The following HAO2 variants were observed in gnomAD, a reference collection of about 807,000 sequenced individuals.
HAO2 encodes the protein hydroxyacid oxidase 2, also known as 2-Hydroxyacid oxidase 2.
A neutral mutation model predicts 37.4 loss-of-function variants in HAO2; 42 were observed. The observed-to-expected ratio is 1.12, with a 90% CI of 0.88 to 1.45. HAO2 has a LOEUF of 1.45. Ranked by LOEUF, HAO2 falls within the 40% of genes most tolerant of loss-of-function variation. The pLI, the probability that HAO2 is intolerant of heterozygous loss-of-function variation, is 0.00. For missense variants in HAO2, 476 were observed against 430.2 expected, an observed-to-expected ratio of 1.11 and a Z score of -0.94; for synonymous variants, 180 against 162.8, an observed-to-expected ratio of 1.11 and a Z score of -0.81.
intron 3 of HAO2, 34 bp from the exon 4 acceptor site, chr1:119,384,741 GC>G: frequency 6.2e-7 from 1 of 1,601,456 alleles, no homozygotes; most frequent in Non-Finnish European, 8.5e-7. Context: ...AGAGGCCTCT[GC>G]CCTCCAGCCT....
intron 1 of HAO2, chr1:119,380,420 A>G (rs1361129247): frequency 5.8e-5 from 24 of 416,144 alleles, no homozygotes; most frequent in Non-Finnish European, 8.9e-5. Context: ...GCCTCCTAAT[A>G]ATATTAAGCA....
At chr1:119,388,596 T>C (rs758875704) in intron 5 of HAO2, among the ~76,000 whole-genome samples, 3 of 152,200 alleles carry the variant, frequency 2.0e-5, no homozygotes, top group Non-Finnish European at 2.9e-5. Context: ...GTGAGTCTCG[T>C]GAGGGTTTTG....
chr1:119,384,761 T>C lies in HAO2; in HGVS notation c.284-15T>C, dbSNP rs1557851060. On this transcript the variant is annotated splice_polypyrimidine_tract_variant and intron_variant, in intron 3 of 7. Transcript: ENST00000325945. ...CCTCTGCCCTCCAGCCTGAGTCATG[T>C]CCTTTGCTTTACAGCTGCCCAAGCG... 6.2e-7 allele frequency: 1 copy of C among 1,612,584 alleles called. No homozygotes were observed. The highest frequency in any genetic ancestry group is 1.3e-5 in the African/African-American group (1 of 75,016).
chr1:119,373,015 A>G (rs1649158595), intron 1 of HAO2, among the ~76,000 whole-genome samples: 1 of 152,200 alleles, frequency 6.6e-6, no homozygotes, highest in African/African-American at 2.4e-5. Flanking sequence ...ATACACAAAA[A>G]TGTATATTTT....
chr1:119,378,116 G>A (rs1164739669), intron 1 of HAO2, among the ~76,000 whole-genome samples: 1 of 152,110 alleles, frequency 6.6e-6, no homozygotes, highest in Non-Finnish European at 1.5e-5. Context: ...CAATTTATGA[G>A]AACCAACTAT....
intron 5 of HAO2, among the ~76,000 whole-genome samples, chr1:119,387,123 T>C (rs1439592140): frequency 1.3e-5 from 2 of 152,208 alleles, no homozygotes; most frequent in Non-Finnish European, 2.9e-5. Context: ...TTTAGTGATG[T>C]TAAATAACTT....
chr1:119,384,108 A>G (rs1449061410), intron 3 of HAO2, among the ~76,000 whole-genome samples: 1 of 152,164 alleles, frequency 6.6e-6, no homozygotes, highest in Non-Finnish European at 1.5e-5. Context: ...AAAGTAGGAA[A>G]TGGGAAATCT....
rs587724239 is a variant in HAO2 at position 119,392,929 on chromosome 1, T to C, written c.1000+242T>C. Among the ~76,000 whole-genome samples the C allele has an allele frequency of 5.3e-5, 8 of 152,264 alleles. No individual in the cohort carries two copies. In the South Asian group the frequency reaches 8.3e-4, roughly 16 times the overall value. ...CTCTGGCTCTGAATTCTTGCTTCTG[T>C]TGAATTCGTTCAATTTACGGACTAT... On this transcript the variant is annotated intron_variant, in intron 7 of 7. Transcript: ENST00000325945.
chr1:119,382,303 C>T (rs6663287), intron 2 of HAO2, among the ~76,000 whole-genome samples: 5,370 of 152,208 alleles, frequency 0.035, 297 homozygotes, highest in African/African-American at 0.12. Flanking sequence ...CAATGAAAAT[C>T]TTAGACACCT....
chr1:119,369,692 T>C (rs79540637), intron 1 of HAO2, among the ~76,000 whole-genome samples: 4,270 of 152,286 alleles, frequency 0.028, 197 homozygotes, highest in African/African-American at 0.095. Context: ...CTAGAATAGA[T>C]TGAGTGGAAC....
At chr1:119,374,319 C>T (rs1649274000) in intron 1 of HAO2, among the ~76,000 whole-genome samples, 3 of 152,178 alleles carry the variant, frequency 2.0e-5, no homozygotes, top group Admixed American at 2.0e-4. Context: ...CTCTTTCATT[C>T]TCAGGGTCTC....
chr1:119,370,438 T>C (rs587637863), intron 1 of HAO2: 1 of 152,264 alleles, frequency 6.6e-6, no homozygotes, highest in East Asian at 1.9e-4. Context: ...ACACATGTCA[T>C]CAACAGGAGG....
At chr1:119,382,836 AG>A (rs1330711973) in intron 2 of HAO2, 78 bp from the exon 3 acceptor site, 11 of 1,345,088 alleles carry the variant, frequency 8.2e-6, no homozygotes, top group African/African-American at 1.4e-5. Context: ...ATCAGGAATC[AG>A]GGGGGTCCAC....
At position 119,384,785 on chromosome 1, in the gene HAO2, C is replaced by T. The variant is rs142375074; in HGVS notation, c.293C>T (p.Ala98Val). ...GTCCTTTGCTTTACAGCTGCCCAAG[C>T]GGCTGGTATCTGCTACATCACCAGC... is the stretch of plus-strand genomic sequence containing the variant. ...GEMSTARAAQ[A>V]AGICYITSTF... Residue 98 changes from alanine to valine, a missense_variant, in exon 4 of 8, where the codon GCG becomes GTG. Coordinates refer to ENST00000325945, the MANE Select transcript of HAO2 (RefSeq NM_016527.4). The T allele has an allele frequency of 2.7e-5, 44 of 1,613,596 alleles. No homozygotes were observed. Among genetic ancestry groups the T allele is most frequent in the Admixed American group, 3.3e-5 (2 of 59,988 alleles).
chr1:119,392,058 G>T, intron 5 of HAO2, 52 bp from the exon 6 acceptor site: 1 of 1,524,786 alleles, frequency 6.6e-7, no homozygotes, highest in Non-Finnish European at 8.9e-7. Context: ...GGAAGACCAA[G>T]TCTGAGAGTC....
rs776787457 is a variant in HAO2, at chr1:119,381,186, C to G, written c.101C>G (p.Thr34Arg). The G allele has an allele frequency of 1.2e-6, 2 of 1,610,412 alleles. No homozygotes were observed. Among genetic ancestry groups the G allele is most frequent in the African/African-American group, 1.3e-5 (1 of 74,834 alleles). ...GAAGGTGGAGCAGATGACAGCATCA[C>G]GCGGGATGACAACATTGCAGCATTT... Reference protein sequence around the residue: ...FIEGGADDSITRDDNIAAFKR... With the variant: ...FIEGGADDSIRRDDNIAAFKR... Residue 34 changes from threonine (T) to arginine (R), a missense_variant, in exon 2 of 8, where the codon ACG (threonine) becomes AGG (arginine). Physicochemically the swap from Thr to Arg is moderately conservative, Grantham distance 71. Coordinates refer to ENST00000325945, the MANE Select transcript of HAO2 (RefSeq NM_016527.4).
Position 119,384,911 on chromosome 1 carries a change from A to G in HAO2, c.419A>G (p.Gln140Arg). Reference protein sequence around the residue: ...YVHPDLQLNKQLIQRVESLGF... With the variant: ...YVHPDLQLNKRLIQRVESLGF... ...CATCCAGACCTGCAGCTGAACAAAC[A>G]GTTGATCCAGAGGGTAGAATCCCTA... Residue 140 changes from glutamine (Q) to arginine (R), a missense_variant, in exon 4 of 8, where the codon CAG becomes CGG. By Grantham distance (43) the Gln-to-Arg change is conservative (BLOSUM62 1). Coordinates refer to ENST00000325945, the MANE Select transcript of HAO2 (RefSeq NM_016527.4). The G allele has an allele frequency of 6.2e-7, 1 of 1,614,064 alleles. No individual in the cohort carries two copies. Among genetic ancestry groups the G allele is most frequent in the Non-Finnish European group, 8.5e-7 (1 of 1,179,908 alleles).
chr1:119,376,755 A>C (rs1649501431), intron 1 of HAO2, among the ~76,000 whole-genome samples: 1 of 152,244 alleles, frequency 6.6e-6, no homozygotes, highest in Admixed American at 6.5e-5. Context: ...GGAAGCTGCC[A>C]AGCTTTGAGG....
chr1:119,393,742 T>C, intron 7 of HAO2, 43 bp from the exon 8 acceptor site: 1 of 1,583,492 alleles, frequency 6.3e-7, no homozygotes, highest in Non-Finnish European at 8.7e-7. Flanking sequence ...GTGAGTTGCT[T>C]GTGTTTGACA....
Sources: allele counts gnomAD v4.1 joint callset (sites outside exome capture counted in the v4.1 genomes callset), GRCh38; gene constraint gnomAD v4.1.1; transcripts MANE v1.5; gene names NCBI Gene and HGNC (gene_info 2026-07-23, HGNC 2026-07-21).